The following SLC36A1 variants were observed in gnomAD, a reference collection of about 807,000 sequenced individuals.
SLC36A1 encodes proton-coupled amino acid transporter 1.
A neutral mutation model predicts 47.5 loss-of-function variants in SLC36A1; 30 were observed. The observed-to-expected ratio is 0.63, with a 90% CI of 0.47 to 0.86. The LOEUF is 0.86. Ranked by LOEUF, SLC36A1 falls within the 40% of genes least tolerant of loss-of-function variation. The probability of loss-of-function intolerance (pLI) is 0.00; values close to 1 mark genes in which losing one functional copy is unlikely to be tolerated. For missense variants in SLC36A1, 517 were observed against 606.0 expected (o/e 0.85, Z 1.54); for synonymous variants, 255 against 249.7 (o/e 1.02, Z -0.20).
At chr5:151,535,549 C>G in the SLC36A1 span, among the ~76,000 whole-genome samples, 1 of 151,970 alleles carries the variant, frequency 6.6e-6, no homozygotes, top group African/African-American at 2.4e-5. Context: ...ATGCCTCGCC[C>G]TACACCTCTC....
At chr5:151,464,704 A>G in intron 4 of SLC36A1, 102 bp downstream of exon 4, 2 of 969,892 alleles carry the variant, frequency 2.1e-6, no homozygotes, top group Non-Finnish European at 3.2e-6. Flanking sequence ...TCAATTCTTT[A>G]CACTGGCTGG....
rs1753043918 is a variant in SLC36A1 at position 151,447,811 on chromosome 5, C to G, written c.-8C>G. The stretch of plus-strand genomic sequence containing the variant: ...CTTCCTCCCGGCGTGGCAGATGCTC[C>G]AGGTCAGGCACTGGATCCGCCCGGG... On this transcript the variant is annotated splice_region_variant and 5_prime_UTR_variant, in exon 1 of 11. Transcript: ENST00000243389. 6.6e-6 allele frequency: 1 copy of G among 152,346 alleles called. No individual in the cohort carries two copies. Among genetic ancestry groups the G allele is most frequent in the Non-Finnish European group, 1.5e-5 (1 of 68,126 alleles). 9.4% of individuals were successfully genotyped at this position (152,346 alleles called of 1,614,324 possible).
the SLC36A1 span, among the ~76,000 whole-genome samples, chr5:151,414,215 C>G: frequency 6.9e-6 from 1 of 144,572 alleles, no homozygotes; most frequent in East Asian, 1.9e-4. Flanking sequence ...ACTCAGGGAA[C>G]GATACCCAGA....
the SLC36A1 span, among the ~76,000 whole-genome samples, chr5:151,373,693 T>C: frequency 1.2e-4 from 19 of 152,190 alleles, no homozygotes; most frequent in Non-Finnish European, 2.5e-4. Flanking sequence ...TGACAATCTT[T>C]GGAGATGGTT....
the SLC36A1 span, among the ~76,000 whole-genome samples, chr5:151,367,421 C>T: frequency 6.9e-5 from 10 of 144,834 alleles, no homozygotes; most frequent in African/African-American, 1.1e-4. Flanking sequence ...AAGAATTTAG[C>T]GATATGTTTC....
the SLC36A1 span, among the ~76,000 whole-genome samples, chr5:151,520,087 G>C: frequency 6.6e-6 from 1 of 152,242 alleles, no homozygotes; most frequent in African/African-American, 2.4e-5. Flanking sequence ...CTCCCCAACA[G>C]AGAGAAGCCC....
chr5:151,527,655 G>A, the SLC36A1 span, among the ~76,000 whole-genome samples: 1 of 152,134 alleles, frequency 6.6e-6, no homozygotes, highest in Non-Finnish European at 1.5e-5. Context: ...TTATTTTGAG[G>A]ATCAAATGGC....
intron 10 of SLC36A1, among the ~76,000 whole-genome samples, chr5:151,480,765 T>G (rs1017412041): frequency 6.6e-5 from 10 of 152,240 alleles, no homozygotes; most frequent in African/African-American, 2.4e-4. Flanking sequence ...TAGCTCTAAG[T>G]GCTTGAGGAG....
chr5:151,393,254 G>A, the SLC36A1 span, among the ~76,000 whole-genome samples: 1 of 151,938 alleles, frequency 6.6e-6, no homozygotes, highest in Non-Finnish European at 1.5e-5. Flanking sequence ...CCATTTGCTT[G>A]GTAGTTCTTC....
At chr5:151,455,791 C>G (rs948050885) in intron 1 of SLC36A1, among the ~76,000 whole-genome samples, 1 of 152,176 alleles carries the variant, frequency 6.6e-6, no homozygotes, top group African/African-American at 2.4e-5. Flanking sequence ...ACCACAGATT[C>G]TTAAAGGCAA....
chr5:151,391,571 G>T, the SLC36A1 span, among the ~76,000 whole-genome samples: 1 of 152,088 alleles, frequency 6.6e-6, no homozygotes, highest in Non-Finnish European at 1.5e-5. Flanking sequence ...TTTGAGATAC[G>T]TCCCATCAAT....
the SLC36A1 span, chr5:151,542,184 A>T: frequency 8.6e-7 from 1 of 1,159,156 alleles, no homozygotes; most frequent in South Asian, 1.5e-5. Flanking sequence ...TCACACTGCT[A>T]ATAAGTGGCA....
the SLC36A1 span, among the ~76,000 whole-genome samples, chr5:151,388,430 G>A: frequency 6.7e-6 from 1 of 148,760 alleles, no homozygotes; most frequent in Non-Finnish European, 1.5e-5. Flanking sequence ...GAATCTGGGA[G>A]GTGGAGCTTG....
intron 9 of SLC36A1, chr5:151,477,015 A>G: frequency 1.7e-6 from 1 of 601,798 alleles, no homozygotes; most frequent in Non-Finnish European, 3.1e-6. Flanking sequence ...CTAAGCTCAG[A>G]AGGACCGAGT....
chr5:151,554,689 A>G, the SLC36A1 span: 1 of 1,597,614 alleles, frequency 6.3e-7, no homozygotes, highest in Non-Finnish European at 8.5e-7. Context: ...AGCAGAATTG[A>G]GCATGAGCAC....
chr5:151,546,449 C>CATATAGTGTATACCCACCCTGG, the SLC36A1 span: 4 of 706,286 alleles, frequency 5.7e-6, no homozygotes, highest in South Asian at 5.6e-5. Context: ...GCAAAATCTG[C>CATATAGTGTATACCCACCCTGG]ATATAGTGTA....
rs1450724842 is a variant in SLC36A1 at position 151,468,364 on chromosome 5, C to T, written c.723+439C>T. 2.4e-5 allele frequency among the ~76,000 whole-genome samples: 3 copies of T among 126,440 alleles called. No homozygotes were observed. The East Asian group carries it at 6.9e-4, about 29-fold the overall frequency. 82.9% of individuals were successfully genotyped at this position (126,440 alleles called of 152,430 possible). Reference sequence around the variant, plus strand: ...TTATATATATTACATGTATATTTTACATATACATGTAATATATATTATGTA... The same window carrying T: ...TTATATATATTACATGTATATTTTATATATACATGTAATATATATTATGTA... On this transcript the variant is annotated intron_variant, in intron 7 of 10. Transcript: ENST00000243389.
chr5:151,527,228 G>A, the SLC36A1 span: 1 of 1,600,850 alleles, frequency 6.2e-7, no homozygotes, highest in Admixed American at 1.7e-5. Context: ...GGAGGCTCAA[G>A]CTTACCTGGA....
the SLC36A1 span, among the ~76,000 whole-genome samples, chr5:151,367,374 T>TC: frequency 3.3e-3 from 480 of 145,530 alleles, 10 homozygotes; most frequent in African/African-American, 0.012. Flanking sequence ...TTTTTTTTTT[T>TC]CCCCAGGGTA....
Sources: allele counts gnomAD v4.1 joint callset (sites outside exome capture counted in the v4.1 genomes callset), GRCh38; gene constraint gnomAD v4.1.1; transcripts MANE v1.5; gene names NCBI Gene and HGNC (gene_info 2026-07-23, HGNC 2026-07-21).